Variants in PPP2CB observed in about 807,000 individuals in gnomAD.
The protein encoded by PPP2CB is protein phosphatase 2 catalytic subunit beta, also known as serine/threonine-protein phosphatase 2A catalytic subunit beta isoform.
A neutral mutation model predicts 39.1 loss-of-function variants in PPP2CB; 18 were observed. The ratio of observed to expected loss-of-function variants is 0.46; its 90% CI spans 0.32 to 0.68. The LOEUF (loss-of-function observed/expected upper bound fraction) is 0.68. Ranked by LOEUF, PPP2CB falls within the 30% of genes least tolerant of loss-of-function variation. The pLI, the probability that PPP2CB is intolerant of heterozygous loss-of-function variation, is 0.04. For missense variants in PPP2CB, 226 were observed against 396.9 expected (o/e 0.57, Z 3.66); for synonymous variants, 129 against 133.8 (o/e 0.96, Z 0.25).
chr8:30,797,683 G>A lies in PPP2CB; in HGVS notation c.384C>T (p.Gly128=). Residue 128 remains glycine (G), a synonymous_variant, in exon 3 of 7, where the codon GGC becomes GGT. Coordinates refer to ENST00000221138, the MANE Select transcript of PPP2CB (RefSeq NM_001009552.2). The part of the protein sequence containing the change: ...HESRQITQVY[G]FYDECLRKYG... Reference sequence around the variant, plus strand: ...ACTTTCGCAGACATTCATCATAAAAGCCATATACTTGGGTAATTTGTCGGC... The same window carrying A: ...ACTTTCGCAGACATTCATCATAAAAACCATATACTTGGGTAATTTGTCGGC... 3.1e-6 allele frequency: 5 copies of A among 1,613,956 alleles called. No homozygotes were observed. Among genetic ancestry groups the A allele is most frequent in the Non-Finnish European group, 4.2e-6 (5 of 1,179,866 alleles).
chr8:30,786,576 C>A, intron 6 of PPP2CB: 1 of 203,708 alleles, frequency 4.9e-6, no homozygotes, highest in Non-Finnish European at 9.5e-6. Flanking sequence ...TATTTAAAAG[C>A]TTAAATAATT....
At chr8:30,791,940 A>G (rs186404625) in intron 5 of PPP2CB, among the ~76,000 whole-genome samples, 3 of 150,044 alleles carry the variant, frequency 2.0e-5, no homozygotes, top group Admixed American at 2.0e-4. Flanking sequence ...GTATGTATAC[A>G]TGTATGTGTG....
At chr8:30,790,232 C>T (rs1806408702) in intron 6 of PPP2CB, among the ~76,000 whole-genome samples, 1 of 152,172 alleles carries the variant, frequency 6.6e-6, no homozygotes, top group South Asian at 2.1e-4. Flanking sequence ...ACCCCACATC[C>T]TACTCTTGAC....
At chr8:30,810,167 G>A (rs964840665) in intron 1 of PPP2CB, 4 of 152,320 alleles carry the variant, frequency 2.6e-5, no homozygotes, top group Non-Finnish European at 5.9e-5. Context: ...TTATTAGAAA[G>A]TCAATAGGGG....
intron 3 of PPP2CB, 98 bp from the exon 4 acceptor site, chr8:30,794,379 C>A: frequency 9.9e-7 from 1 of 1,008,000 alleles, no homozygotes; most frequent in South Asian, 1.5e-5. Flanking sequence ...CCAAATAGTG[C>A]CAACATTTAA....
intron 1 of PPP2CB, among the ~76,000 whole-genome samples, chr8:30,805,377 G>A (rs1806703928): frequency 6.6e-6 from 1 of 152,102 alleles, no homozygotes; most frequent in Admixed American, 6.5e-5. Context: ...TGGCTCACAT[G>A]GTGAAACTCC....
intron 6 of PPP2CB, among the ~76,000 whole-genome samples, chr8:30,786,886 T>C (rs1806352183): frequency 1.3e-5 from 2 of 152,082 alleles, no homozygotes; most frequent in South Asian, 4.1e-4. Context: ...CAGGATGGTC[T>C]CATCTCCTGA....
intron 1 of PPP2CB, among the ~76,000 whole-genome samples, chr8:30,809,082 T>A (rs1806779140): frequency 6.6e-6 from 1 of 151,784 alleles, no homozygotes; most frequent in African/African-American, 2.4e-5. Context: ...GCTAATTTTT[T>A]TTTTTTTTTT....
At chr8:30,798,445 T>C (rs944258695) in intron 2 of PPP2CB, among the ~76,000 whole-genome samples, 1 of 152,226 alleles carries the variant, frequency 6.6e-6, no homozygotes, top group Non-Finnish European at 1.5e-5. Flanking sequence ...TTTGGTGCTA[T>C]AAAGCCAGAT....
chr8:30,805,908 A>G (rs979120782), intron 1 of PPP2CB, among the ~76,000 whole-genome samples: 11 of 152,218 alleles, frequency 7.2e-5, no homozygotes, highest in Non-Finnish European at 1.3e-4. Context: ...ACAGTTTACA[A>G]GGAATGATGA....
chr8:30,805,177 T>C (rs185019814), intron 1 of PPP2CB, among the ~76,000 whole-genome samples: 4 of 152,332 alleles, frequency 2.6e-5, no homozygotes, highest in African/African-American at 9.6e-5. Flanking sequence ...GAGAATACAC[T>C]GAACCAATTC....
rs550522092 is a variant in PPP2CB at position 30,806,214 on chromosome 8, A to ATT, written c.102+6104_102+6105dup. Among the ~76,000 whole-genome samples, 8 of 142,544 alleles carry ATT rather than the reference A, an allele frequency of 5.6e-5. 1 individual carries two copies. The highest frequency in any genetic ancestry group is 1.8e-4 in the African/African-American group (7 of 39,054). 93.5% of individuals were successfully genotyped at this position (142,544 alleles called of 152,430 possible). A position where few individuals can be genotyped will look rare whatever the true frequency, so the allele number is the denominator to read the frequency against. On this transcript the variant is annotated intron_variant, in intron 1 of 6. Transcript: ENST00000221138. ...AGGCGCCTGCCACCACGCCTGGCTG[A>ATT]TTTTTTTTTTTTTGTATTTTTAGTG...
At chr8:30,801,914 A>G (rs949675051) in intron 1 of PPP2CB, among the ~76,000 whole-genome samples, 1 of 152,164 alleles carries the variant, frequency 6.6e-6, no homozygotes, top group Non-Finnish European at 1.5e-5. Flanking sequence ...GGCAAGTTCT[A>G]TTCCAACAGA....
intron 3 of PPP2CB, among the ~76,000 whole-genome samples, chr8:30,797,151 G>T (rs1183848333): frequency 6.6e-6 from 1 of 151,898 alleles, no homozygotes; most frequent in Non-Finnish European, 1.5e-5. Context: ...CACTTCTCAG[G>T]GAAGGTGTAA....
At chr8:30,810,097 T>G (rs952157737) in intron 1 of PPP2CB, 1 of 152,222 alleles carries the variant, frequency 6.6e-6, no homozygotes, top group Non-Finnish European at 1.5e-5. Flanking sequence ...GACACTCCGG[T>G]GTGATTATTT....
intron 1 of PPP2CB, 57 bp from the exon 2 acceptor site, chr8:30,799,812 T>C: frequency 5.3e-6 from 8 of 1,502,112 alleles, no homozygotes; most frequent in Non-Finnish European, 7.3e-6. Context: ...TCTTATCTAT[T>C]AAAAGAAAAT....
Position 30,793,992 on chromosome 8 carries a change from T to C in PPP2CB, c.663A>G (p.Gly221=), listed in dbSNP as rs1175874937. 1 of 1,613,820 alleles carries C rather than the reference T, an allele frequency of 6.2e-7. No individual in the cohort carries two copies. Among genetic ancestry groups the C allele is most frequent in the Non-Finnish European group, 8.5e-7 (1 of 1,179,866 alleles). ...GGTTAAAGGTTTCAGAAATGTCTTGTCCAAATGTGTAGCCAGCACCACGTG... is the reference window on the plus strand; with the variant it reads ...GGTTAAAGGTTTCAGAAATGTCTTGCCCAAATGTGTAGCCAGCACCACGTG... ...ISPRGAGYTF[G]QDISETFNHA... Residue 221 remains glycine, a synonymous_variant, in exon 5 of 7, where the codon GGA becomes GGG. Transcript: ENST00000221138.
Position 30,785,890 on chromosome 8 carries a change from T to C in PPP2CB, c.*345A>G. 4.5e-6 allele frequency: 2 copies of C among 444,452 alleles called. No homozygotes were observed. Among genetic ancestry groups the C allele is most frequent in the South Asian group, 3.4e-5 (2 of 58,818 alleles). The allele number at this position is 444,452 out of a possible 1,614,324, so 27.5% of individuals were successfully genotyped here. ...ATAAAACTCCAACTCTATTAATCCA[T>C]GCCAGTTAAACACTATAACTAAAAT... On this transcript the variant is annotated 3_prime_UTR_variant, in exon 7 of 7. Coordinates refer to ENST00000221138, the MANE Select transcript of PPP2CB (RefSeq NM_001009552.2).
intron 1 of PPP2CB, among the ~76,000 whole-genome samples, chr8:30,802,045 T>C (rs1049602110): frequency 1.3e-5 from 2 of 152,216 alleles, no homozygotes; most frequent in Non-Finnish European, 2.9e-5. Flanking sequence ...GATTCTAGGC[T>C]ACCATGTATT....
Sources: allele counts gnomAD v4.1 joint callset (sites outside exome capture counted in the v4.1 genomes callset), GRCh38; gene constraint gnomAD v4.1.1; transcripts MANE v1.5; gene names NCBI Gene and HGNC (gene_info 2026-07-23, HGNC 2026-07-21).